GSK3B: variants seen among roughly 807,000 people sequenced by gnomAD.
The protein encoded by GSK3B is glycogen synthase kinase 3 beta.
Under a neutral mutation model 56.4 loss-of-function variants are expected in GSK3B, and 15 were observed. The observed-to-expected ratio is 0.27, with a 90% CI of 0.18 to 0.41. The LOEUF is 0.41. Among genes scored for constraint, GSK3B ranks in the 10% least tolerant of loss-of-function variants. GSK3B has a pLI of 1.00. For missense variants in GSK3B, 300 were observed against 513.4 expected (o/e 0.58, Z 4.02); for synonymous variants, 181 against 188.9 (o/e 0.96, Z 0.34).
At chr3:119,874,666 A>G (rs1203734995) in intron 8 of GSK3B, among the ~76,000 whole-genome samples, 1 of 145,278 alleles carries the variant, frequency 6.9e-6, no homozygotes, top group Non-Finnish European at 1.5e-5. Flanking sequence ...CACCAAAAAA[A>G]GAATTTTTCC....
intron 1 of GSK3B, among the ~76,000 whole-genome samples, chr3:120,053,907 C>T (rs2058171899): frequency 6.6e-6 from 1 of 152,152 alleles, no homozygotes; most frequent in African/African-American, 2.4e-5. Flanking sequence ...AACTGTGAGT[C>T]CATTAAACCT....
chr3:119,944,102 C>T (rs1015797251), intron 3 of GSK3B, among the ~76,000 whole-genome samples: 1 of 152,116 alleles, frequency 6.6e-6, no homozygotes, highest in Non-Finnish European at 1.5e-5. Context: ...ATTCTAGAAC[C>T]TAACCAAGCC....
chr3:120,066,412 T>C (rs769559362), intron 1 of GSK3B, among the ~76,000 whole-genome samples: 14 of 152,110 alleles, frequency 9.2e-5, no homozygotes, highest in South Asian at 2.1e-4. Context: ...GGGGCTCACA[T>C]TGGCAAAAAT....
intron 8 of GSK3B, among the ~76,000 whole-genome samples, chr3:119,865,751 G>A (rs1469986450): frequency 3.3e-5 from 5 of 151,910 alleles, no homozygotes; most frequent in Admixed American, 6.6e-5. Flanking sequence ...TTACAGGCGT[G>A]AGCCACCGTG....
chr3:119,964,194 T>G (rs1208842739), intron 2 of GSK3B, among the ~76,000 whole-genome samples: 2 of 152,034 alleles, frequency 1.3e-5, no homozygotes, highest in Non-Finnish European at 2.9e-5. Context: ...AGCAAAGGAC[T>G]GGAATAGACA....
At chr3:119,996,395 T>C (rs1022804844) in intron 2 of GSK3B, among the ~76,000 whole-genome samples, 4 of 152,248 alleles carry the variant, frequency 2.6e-5, no homozygotes, top group African/African-American at 9.6e-5. Context: ...TAGTATCTAA[T>C]ACACAATTTC....
intron 2 of GSK3B, among the ~76,000 whole-genome samples, chr3:119,980,511 C>A (rs987983898): frequency 6.6e-6 from 1 of 152,108 alleles, no homozygotes; most frequent in Non-Finnish European, 1.5e-5. Context: ...TGCCACCACG[C>A]CCGGGGAATT....
In GSK3B at chr3:119,930,173, T is replaced by C. The variant is rs576372677; in HGVS notation, c.367-6690A>G. On this transcript the variant is annotated intron_variant, in intron 3 of 10. Coordinates refer to ENST00000264235, the MANE Select transcript of GSK3B (RefSeq NM_001146156.2). ...TTTAATTTTATATATTTAAATTATATGTAAGATTAAAAGATGAATGCCAAG... is the reference window on the plus strand; with the variant it reads ...TTTAATTTTATATATTTAAATTATACGTAAGATTAAAAGATGAATGCCAAG... 1.6e-3 allele frequency among the ~76,000 whole-genome samples: 243 copies of C among 152,092 alleles called. 1 individual carries two copies. The highest frequency in any genetic ancestry group is 2.6e-3 in the Non-Finnish European group (176 of 67,994).
In GSK3B at chr3:119,912,718, TA is replaced by T; in HGVS notation, c.700del (p.Tyr234IlefsTer5). The T allele has an allele frequency of 1.3e-6, 2 of 1,488,652 alleles. No individual in the cohort carries two copies. The highest frequency in any genetic ancestry group is 1.9e-6 in the Non-Finnish European group (2 of 1,068,154). 92.2% of individuals were successfully genotyped at this position (1,488,652 alleles called of 1,614,324 possible). A position where few individuals can be genotyped will look rare whatever the true frequency, so the allele number is the denominator to read the frequency against. ...APELIFGATD[Y>X]TSSIDVWSAG... ...TTTGTACTTACCTATACTAGAGGTA[TA>T]ATCAGTGGCTCCAAAGATCAACTCT... On this transcript the variant is annotated frameshift_variant, in exon 6 of 11. Coordinates refer to ENST00000264235, the MANE Select transcript of GSK3B (RefSeq NM_001146156.2). LOFTEE classifies it high-confidence loss of function.
At chr3:119,832,109 C>T (rs543746969) in intron 10 of GSK3B, among the ~76,000 whole-genome samples, 2 of 152,336 alleles carry the variant, frequency 1.3e-5, no homozygotes, top group South Asian at 4.1e-4. Context: ...AAGGCTAGGA[C>T]ATAAAAGATA....
intron 4 of GSK3B, among the ~76,000 whole-genome samples, chr3:119,920,905 C>A (rs57028282): frequency 6.6e-6 from 1 of 152,146 alleles, no homozygotes; most frequent in African/African-American, 2.4e-5. Flanking sequence ...TAGCTCTGTT[C>A]GCTAAAAAGA....
chr3:120,076,940 G>A (rs528587812), intron 1 of GSK3B, among the ~76,000 whole-genome samples: 4 of 151,174 alleles, frequency 2.6e-5, no homozygotes, highest in Admixed American at 2.6e-4. Flanking sequence ...CAGAGAAATG[G>A]AAATCAAAAC....
At chr3:120,006,931 G>C (rs866389117) in intron 1 of GSK3B, among the ~76,000 whole-genome samples, 35 of 149,296 alleles carry the variant, frequency 2.3e-4, no homozygotes, top group Middle Eastern at 3.6e-3. Flanking sequence ...AAGTGAAAGA[G>C]ATAGAGACAG....
At chr3:120,029,283 T>C (rs1186467068) in intron 1 of GSK3B, 4 of 740,804 alleles carry the variant, frequency 5.4e-6, no homozygotes, top group African/African-American at 1.7e-5. Context: ...ATTCTGTTTA[T>C]AGAGAGTACC....
chr3:119,917,551 C>A (rs1353057444), intron 4 of GSK3B, among the ~76,000 whole-genome samples: 2 of 151,816 alleles, frequency 1.3e-5, no homozygotes, highest in Non-Finnish European at 2.9e-5. Context: ...AAAAAGATAA[C>A]CTCCCATAAG....
intron 9 of GSK3B, among the ~76,000 whole-genome samples, chr3:119,852,480 T>G (rs1323113784): frequency 6.6e-6 from 1 of 151,912 alleles, no homozygotes. Flanking sequence ...TCCTGAGTAG[T>G]GGGATTACAG....
At chr3:119,963,397 G>A (rs1045886867) in intron 2 of GSK3B, among the ~76,000 whole-genome samples, 12 of 151,954 alleles carry the variant, frequency 7.9e-5, no homozygotes, top group Non-Finnish European at 1.6e-4. Flanking sequence ...TTTTGAGCAA[G>A]TATGACAATG....
At position 119,863,587 on chromosome 3, in the gene GSK3B, G is replaced by A. The variant is rs769830542; in HGVS notation, c.928C>T (p.Pro310Ser). 1 of 1,611,756 alleles carries A rather than the reference G, an allele frequency of 6.2e-7. No individual in the cohort carries two copies. Among genetic ancestry groups the A allele is most frequent in the South Asian group, 1.1e-5 (1 of 90,920 alleles). Residue 310 changes from proline (P) to serine (S), a missense_variant, in exon 9 of 11, where the codon CCA (proline) becomes TCA (serine). By Grantham distance (74) the Pro-to-Ser change is moderately conservative (BLOSUM62 -1). Around this residue, in one of 6 missense-constraint regions of GSK3B, gnomAD observed 38 missense variants for 58.3 expected, o/e 0.65. Transcript: ENST00000264235. Reference protein sequence around the residue: ...PWTKVFRPRTPPEAIALCSRL... With the variant: ...PWTKVFRPRTSPEAIALCSRL... ...CTACACAGTGCAATTGCCTCCGGTG[G>A]AGTTCGGGGTCGGAAGACCTGCAGT...
intron 1 of GSK3B, among the ~76,000 whole-genome samples, chr3:120,025,966 G>A (rs1482420020): frequency 6.6e-6 from 1 of 152,154 alleles, no homozygotes; most frequent in Non-Finnish European, 1.5e-5. Context: ...AGCCCTTTCA[G>A]CTCTGAAAGT....
Sources: allele counts gnomAD v4.1 joint callset (sites outside exome capture counted in the v4.1 genomes callset), GRCh38; gene constraint gnomAD v4.1.1; regional missense constraint gnomAD v4.1.1; transcripts MANE v1.5; gene names NCBI Gene and HGNC (gene_info 2026-07-23, HGNC 2026-07-21).